DGKE: variants seen among roughly 807,000 people sequenced by gnomAD.
DGKE encodes DAG kinase epsilon.
Under a neutral mutation model 70.0 loss-of-function variants are expected in DGKE, and 53 were observed. That is an observed-to-expected ratio of 0.76 (90% CI 0.61 to 0.95). The LOEUF (loss-of-function observed/expected upper bound fraction) is 0.95. DGKE is among the 40% of genes least tolerant of loss of function. The pLI is 0.00. For missense variants in DGKE, 655 were observed against 706.9 expected, an observed-to-expected ratio of 0.93 and a Z score of 0.83; for synonymous variants, 291 against 257.0, an observed-to-expected ratio of 1.13 and a Z score of -1.27.
At chr17:56,844,203 A>G (rs1287024436) in intron 3 of DGKE, 25 bp downstream of exon 3, 2 of 1,411,528 alleles carry the variant, frequency 1.4e-6, no homozygotes, top group Non-Finnish European at 9.4e-7. Context: ...TTTCTCTAAT[A>G]TGATTGATTT....
At chr17:56,845,942 T>C in intron 4 of DGKE, 133 bp downstream of exon 4, 1 of 980,560 alleles carries the variant, frequency 1.0e-6, no homozygotes. Context: ...GCCATTTAAA[T>C]ATGTGGATAA....
At chr17:56,851,622 A>T (rs895252536) in intron 7 of DGKE, among the ~76,000 whole-genome samples, 3 of 152,284 alleles carry the variant, frequency 2.0e-5, no homozygotes, top group African/African-American at 7.2e-5. Context: ...TAAAACATGA[A>T]TATATACAGC....
At chr17:56,856,005 CA>C (rs35335003) in intron 7 of DGKE, among the ~76,000 whole-genome samples, 76 of 120,252 alleles carry the variant, frequency 6.3e-4, no homozygotes, top group Non-Finnish European at 6.2e-4. Context: ...GACTCCATCT[CA>C]AAAAAAAAAA....
rs1273869243 is a variant in DGKE, at chr17:56,835,226, A to G, written c.431A>G (p.Gln144Arg). The change falls in exon 2 of 12, where the codon CAG becomes CGG. Residue 144 changes from glutamine (Q) to arginine (R), a missense_variant. Coordinates refer to ENST00000284061, the MANE Select transcript of DGKE (RefSeq NM_003647.3). ...LCSYCMVCKQ[Q>R]CGCQPKLCDY... is the part of the protein sequence containing the mutation. ...AGTTACTGTATGGTTTGCAAGCAGC[A>G]GTGTGGCTGTCAACCCAAGCTTTGC... 3.1e-6 allele frequency: 5 copies of G among 1,613,134 alleles called. No individual in the cohort carries two copies. The highest frequency in any genetic ancestry group is 4.2e-6 in the Non-Finnish European group (5 of 1,179,834).
intron 7 of DGKE, among the ~76,000 whole-genome samples, chr17:56,852,619 T>C (rs541722045): frequency 6.6e-6 from 1 of 150,670 alleles, no homozygotes; most frequent in South Asian, 2.1e-4. Flanking sequence ...AAAAAAAAAA[T>C]TGAACGTAAA....
At chr17:56,847,232 T>TC (rs1907339231) in intron 4 of DGKE, 1 of 152,156 alleles carries the variant, frequency 6.6e-6, no homozygotes, top group Admixed American at 6.5e-5. Flanking sequence ...TGGTGATTTT[T>TC]TTTTAAGCCA....
rs1222236677 is a variant in DGKE at position 56,848,709 on chromosome 17, A to T, written c.902A>T (p.Tyr301Phe). 1 of 1,614,150 alleles carries T rather than the reference A, an allele frequency of 6.2e-7. No individual in the cohort carries two copies. Among genetic ancestry groups the T allele is most frequent in the Non-Finnish European group, 8.5e-7 (1 of 1,179,990 alleles). ...TCCATATTCTAGGGACAAGAAAAGT[A>T]CATTCCACAAGTTGCAGTTTTGCCT... is the stretch of plus-strand genomic sequence containing the variant. ...DDMKIKGQEK[Y>F]IPQVAVLPLG... The change falls in exon 6 of 12, where the codon TAC (tyrosine) becomes TTC (phenylalanine). Residue 301 changes from tyrosine (Y) to phenylalanine (F), a missense_variant. Coordinates refer to ENST00000284061, the MANE Select transcript of DGKE (RefSeq NM_003647.3).
chr17:56,844,298 A>G, intron 3 of DGKE, 120 bp downstream of exon 3: 1 of 644,516 alleles, frequency 1.6e-6, no homozygotes, highest in Non-Finnish European at 2.3e-6. Flanking sequence ...AAACTTAAAT[A>G]ACAGATCAAG....
chr17:56,849,376 A>G (rs1251552257), intron 7 of DGKE, 144 bp downstream of exon 7: 1 of 664,736 alleles, frequency 1.5e-6, no homozygotes, highest in East Asian at 2.7e-5. Context: ...TTACCTCACA[A>G]GCTGGACTGT....
rs201997595 is a variant in DGKE at position 56,835,113 on chromosome 17, C to G, written c.318C>G (p.Phe106Leu). 129 of 1,613,940 alleles carry G rather than the reference C, an allele frequency of 8.0e-5. 1 individual carries two copies. The highest frequency in any genetic ancestry group is 7.8e-4 in the Admixed American group (47 of 60,028). ...EGCLRKADKR[F>L]QCKEIMLKND... ...GCCTCAGGAAGGCCGACAAGCGCTT[C>G]CAGTGCAAGGAGATTATGCTCAAGA... is the stretch of plus-strand genomic sequence containing the variant. The change falls in exon 2 of 12, where the codon TTC becomes TTG. Residue 106 changes from phenylalanine to leucine, a missense_variant. Transcript: ENST00000284061.
chr17:56,848,132 A>ATG (rs1907420377), intron 5 of DGKE, 67 bp downstream of exon 5: 1 of 920,582 alleles, frequency 1.1e-6, no homozygotes, highest in Non-Finnish European at 1.4e-6. Flanking sequence ...ATATATATAT[A>ATG]TATGGGTTTT....
rs1361521055 is a variant in DGKE, at chr17:56,835,517, C to T, written c.464+258C>T. Reference sequence around the variant, plus strand: ...TAAAACTTGGCTCCTAACGTTAATACAGAGGTTTCTAAGTGGTGCCTGCTT... The same window carrying T: ...TAAAACTTGGCTCCTAACGTTAATATAGAGGTTTCTAAGTGGTGCCTGCTT... On this transcript the variant is annotated intron_variant, in intron 2 of 11. Coordinates refer to ENST00000284061, the MANE Select transcript of DGKE (RefSeq NM_003647.3). 7.9e-6 allele frequency: 4 copies of T among 507,248 alleles called. No individual in the cohort carries two copies. The East Asian group carries it at 9.5e-5, about 12-fold the overall frequency. 31.4% of individuals were successfully genotyped at this position (507,248 alleles called of 1,614,324 possible).
At chr17:56,848,359 T>C (rs912793091) in intron 5 of DGKE, among the ~76,000 whole-genome samples, 4 of 152,128 alleles carry the variant, frequency 2.6e-5, no homozygotes, top group Non-Finnish European at 5.9e-5. Context: ...GGTTTCACCA[T>C]GTTGCCTGGG....
rs1414342909 is a variant in DGKE, at chr17:56,835,062, C to T, written c.267C>T (p.Cys89=). 2 of 1,613,288 alleles carry T rather than the reference C, an allele frequency of 1.2e-6. No individual in the cohort carries two copies. The highest frequency in any genetic ancestry group is 3.3e-5 in the Admixed American group (2 of 60,032). ...QHILQGAFCD[C]CGLRVDEGCL... ...TTCTGCAGGGCGCCTTCTGCGACTG[C>T]TGCGGGCTCCGCGTGGACGAGGGCT... The change falls in exon 2 of 12, where the codon TGC becomes TGT. Residue 89 remains cysteine (C), a synonymous_variant. Coordinates refer to ENST00000284061, the MANE Select transcript of DGKE (RefSeq NM_003647.3).
chr17:56,851,279 C>T (rs1232214594), intron 7 of DGKE, among the ~76,000 whole-genome samples: 1 of 152,288 alleles, frequency 6.6e-6, no homozygotes, highest in East Asian at 1.9e-4. Flanking sequence ...TTCACATGGT[C>T]ATTTACTACC....
At chr17:56,843,993 T>C in intron 2 of DGKE, 26 bp from the exon 3 acceptor site, 1 of 1,528,844 alleles carries the variant, frequency 6.5e-7, no homozygotes, top group Admixed American at 2.5e-5. Context: ...TAAAATTAGT[T>C]AATGCTTGTT....
chr17:56,862,392 G>A, intron 11 of DGKE, 141 bp downstream of exon 11: 1 of 905,216 alleles, frequency 1.1e-6, no homozygotes, highest in South Asian at 1.8e-5. Flanking sequence ...AGCGGCTAGA[G>A]TGGGATGAGG....
In DGKE at chr17:56,848,749, C is replaced by T. The variant is rs749415630; in HGVS notation, c.942C>T (p.Asn314=). The T allele has an allele frequency of 1.3e-5, 21 of 1,613,968 alleles. No individual in the cohort carries two copies. The highest frequency in any genetic ancestry group is 4.0e-5 in the African/African-American group (3 of 74,902). Reference sequence around the variant, plus strand: ...CAGTTTTGCCTCTGGGAACAGGCAACGATCTATCCAATACATTGGGTTGGG... The same window carrying T: ...CAGTTTTGCCTCTGGGAACAGGCAATGATCTATCCAATACATTGGGTTGGG... ...QVAVLPLGTG[N]DLSNTLGWGT... Residue 314 remains asparagine, a synonymous_variant, in exon 6 of 12, where the codon AAC becomes AAT. Transcript: ENST00000284061.
chr17:56,860,928 A>G (rs1318104141), intron 9 of DGKE, among the ~76,000 whole-genome samples: 1 of 152,200 alleles, frequency 6.6e-6, no homozygotes, highest in East Asian at 1.9e-4. Flanking sequence ...GTATTTCATC[A>G]TGGGCATTGA....
Sources: allele counts gnomAD v4.1 joint callset (sites outside exome capture counted in the v4.1 genomes callset), GRCh38; gene constraint gnomAD v4.1.1; transcripts MANE v1.5; gene names NCBI Gene and HGNC (gene_info 2026-07-23, HGNC 2026-07-21).